The following CLEC16A variants were observed in gnomAD, a reference collection of about 807,000 sequenced individuals.
The protein encoded by CLEC16A is C-type lectin domain containing 16A.
Under a neutral mutation model 109.5 loss-of-function variants are expected in CLEC16A, and 51 were observed. That is an observed-to-expected ratio of 0.47 (90% confidence interval 0.37 to 0.59). The LOEUF (loss-of-function observed/expected upper bound fraction) is 0.59. Ranked by LOEUF, CLEC16A falls within the 20% of genes least tolerant of loss-of-function variation. The pLI, the probability that CLEC16A is intolerant of heterozygous loss-of-function variation, is 0.00. For synonymous variants in CLEC16A, 673 were observed against 564.2 expected, an observed-to-expected ratio of 1.19 and a Z score of -2.73; for missense variants, 1,339 against 1,394.0, an observed-to-expected ratio of 0.96 and a Z score of 0.63.
intron 11 of CLEC16A, among the ~76,000 whole-genome samples, chr16:11,011,408 T>C (rs1486219699): frequency 6.6e-6 from 1 of 152,200 alleles, no homozygotes; most frequent in African/African-American, 2.4e-5. Context: ...CATTACTGTA[T>C]TTAATTATTT....
At chr16:11,115,885 A>G (rs957136658) in intron 19 of CLEC16A, among the ~76,000 whole-genome samples, 2 of 151,480 alleles carry the variant, frequency 1.3e-5, no homozygotes, top group Non-Finnish European at 2.9e-5. Context: ...AAACATATAT[A>G]TTATAAATTT....
intron 13 of CLEC16A, among the ~76,000 whole-genome samples, chr16:11,032,181 T>G (rs2046780469): frequency 6.6e-6 from 1 of 152,186 alleles, no homozygotes; most frequent in Non-Finnish European, 1.5e-5. Flanking sequence ...TGAGAGCCTG[T>G]GGCATATCCA....
At chr16:11,015,472 GT>G (rs2045690019) in intron 11 of CLEC16A, among the ~76,000 whole-genome samples, 1 of 152,162 alleles carries the variant, frequency 6.6e-6, no homozygotes, top group Non-Finnish European at 1.5e-5. Flanking sequence ...GCAGTTTTGT[GT>G]GAAGCCGTAG....
chr16:10,973,100 G>A, intron 7 of CLEC16A, 39 bp downstream of exon 7: 1 of 1,556,916 alleles, frequency 6.4e-7, no homozygotes, highest in African/African-American at 1.4e-5. Context: ...AGATAGACAG[G>A]GTGGTTAGGG....
At chr16:11,110,911 G>A (rs771041582) in intron 19 of CLEC16A, among the ~76,000 whole-genome samples, 16 of 152,230 alleles carry the variant, frequency 1.1e-4, no homozygotes, top group Admixed American at 2.0e-4. Context: ...CATGGTAACA[G>A]CATGCTTTTT....
Position 11,106,656 on chromosome 16 carries a change from C to CT in CLEC16A, c.2117-13948dup, listed in dbSNP as rs879280396. Among the ~76,000 whole-genome samples the CT allele has an allele frequency of 6.4e-3, 930 of 145,648 alleles. 8 individuals are homozygous for CT. Among genetic ancestry groups the CT allele is most frequent in the Middle Eastern group, 0.036 (10 of 280 alleles). ...CATGCCACCACACCTGGCTTCTCTT[C>CT]TTTTTTTTTTTAAGATACTTTTCCT... On this transcript the variant is annotated intron_variant, in intron 19 of 23. Coordinates refer to ENST00000409790, the MANE Select transcript of CLEC16A (RefSeq NM_015226.3).
chr16:11,054,968 A>G (rs1203202058), intron 18 of CLEC16A, among the ~76,000 whole-genome samples: 2 of 143,792 alleles, frequency 1.4e-5, no homozygotes, highest in African/African-American at 5.2e-5. Context: ...TAGACTTTTT[A>G]AAGGAGGCTG....
At chr16:11,011,853 A>C (rs1344394811) in intron 11 of CLEC16A, among the ~76,000 whole-genome samples, 1 of 151,334 alleles carries the variant, frequency 6.6e-6, no homozygotes, top group Non-Finnish European at 1.5e-5. Flanking sequence ...GTCCTCTCCC[A>C]TCTTAGATTT....
At chr16:10,972,505 CTGTTTTT>C in intron 5 of CLEC16A, 42 bp from the exon 6 acceptor site, 1 of 1,594,844 alleles carries the variant, frequency 6.3e-7, no homozygotes, top group Non-Finnish European at 8.6e-7. Flanking sequence ...TAACTGTTGT[CTGTTTTT>C]TGCTTTTCCT....
At chr16:11,154,978 C>G (rs2054450623) in intron 22 of CLEC16A, among the ~76,000 whole-genome samples, 1 of 150,614 alleles carries the variant, frequency 6.6e-6, no homozygotes, top group African/African-American at 2.4e-5. Context: ...GAAAAATTAC[C>G]CAGGTGTGGT....
chr16:11,120,811 AACACACACACACAC>A (rs3217121), intron 20 of CLEC16A, 45 bp downstream of exon 20: 13 of 934,316 alleles, frequency 1.4e-5, no homozygotes, highest in Non-Finnish European at 1.6e-5. Context: ...GTTGGCTACA[AACACACACACACAC>A]ACACACACAC....
chr16:11,060,927 G>A lies in CLEC16A; in HGVS notation c.2021G>A (p.Arg674His), dbSNP rs201463356. 14 of 1,611,976 alleles carry A rather than the reference G, an allele frequency of 8.7e-6. No homozygotes were observed. The highest frequency in any genetic ancestry group is 5.3e-5 in the African/African-American group (4 of 74,808). Residue 674 changes from arginine (R) to histidine (H), a missense_variant, in exon 19 of 24, where the codon CGT becomes CAT. Physicochemically the swap from Arg to His is conservative, Grantham distance 29 (BLOSUM62 0). Coordinates refer to ENST00000409790, the MANE Select transcript of CLEC16A (RefSeq NM_015226.3). The stretch of plus-strand genomic sequence containing the variant: ...GCCATCCGGGTGTTCTTCATGCTGC[G>A]TTCCCTGTCACTGCAATTGCGAGGG... ...RRAIRVFFML[R>H]SLSLQLRGEP...
intron 20 of CLEC16A, 73 bp downstream of exon 20, chr16:11,120,839 C>CAG: frequency 1.0e-6 from 1 of 966,096 alleles, no homozygotes; most frequent in Non-Finnish European, 1.4e-6. Context: ...CACACACACA[C>CAG]CACACACAAT....
At chr16:11,135,209 A>T (rs2053486115) in intron 22 of CLEC16A, among the ~76,000 whole-genome samples, 1 of 152,148 alleles carries the variant, frequency 6.6e-6, no homozygotes, top group Non-Finnish European at 1.5e-5. Flanking sequence ...AACAGATCCT[A>T]CTCAAAAATC....
At chr16:11,125,908 C>CA in intron 21 of CLEC16A, 71 bp from the exon 22 acceptor site, 2 of 210,882 alleles carry the variant, frequency 9.5e-6, no homozygotes, top group South Asian at 8.5e-5. Flanking sequence ...ACGATGTCCC[C>CA]CCCCCCAAAT....
intron 17 of CLEC16A, 113 bp from the exon 18 acceptor site, chr16:11,051,400 A>G (rs529895316): frequency 2.7e-6 from 3 of 1,094,330 alleles, no homozygotes; most frequent in Admixed American, 2.0e-5. Context: ...TAGATCACTC[A>G]TTTACATTTA....
chr16:11,161,795 G>C (rs1479282074), intron 22 of CLEC16A, among the ~76,000 whole-genome samples: 1 of 152,192 alleles, frequency 6.6e-6, no homozygotes, highest in Non-Finnish European at 1.5e-5. Flanking sequence ...AGAAATCCAG[G>C]TCTGTGTGTA....
At chr16:10,963,201 T>G (rs1381753760) in intron 3 of CLEC16A, among the ~76,000 whole-genome samples, 1 of 151,876 alleles carries the variant, frequency 6.6e-6, no homozygotes, top group African/African-American at 2.4e-5. Context: ...ATTGAGAGAG[T>G]GCTAGCTGGT....
chr16:11,161,538 G>T (rs1254157650), intron 22 of CLEC16A, among the ~76,000 whole-genome samples: 1 of 151,476 alleles, frequency 6.6e-6, no homozygotes, highest in African/African-American at 2.5e-5. Flanking sequence ...CCACTCCTAT[G>T]CACACCCAGT....
Sources: allele counts gnomAD v4.1 joint callset (sites outside exome capture counted in the v4.1 genomes callset), GRCh38; gene constraint gnomAD v4.1.1; transcripts MANE v1.5; gene names NCBI Gene and HGNC (gene_info 2026-07-23, HGNC 2026-07-21).